The following ZNF507 variants were observed in gnomAD, a reference collection of about 807,000 sequenced individuals.
ZNF507 encodes zinc finger protein 507.
ZNF507 carries 29 observed loss-of-function variants against 80.0 expected under a neutral mutation model. That is an observed-to-expected ratio of 0.36 (90% CI 0.27 to 0.49). The LOEUF (loss-of-function observed/expected upper bound fraction) is 0.49, where lower values mean the gene tolerates loss of function less well. Among genes scored for constraint, ZNF507 ranks in the 20% least tolerant of loss-of-function variants. The probability of loss-of-function intolerance (pLI) is 0.98; values close to 1 mark genes in which losing one functional copy is unlikely to be tolerated. For synonymous variants in ZNF507, 462 were observed against 422.5 expected (o/e 1.09, Z -1.15); for missense variants, 1,081 against 1,152.2 (o/e 0.94, Z 0.90).
At chr19:32,361,767 C>CCTCT (rs1274503183) in intron 5 of ZNF507, among the ~76,000 whole-genome samples, 1 of 145,594 alleles carries the variant, frequency 6.9e-6, no homozygotes, top group Non-Finnish European at 1.5e-5. Context: ...TTCTTCCCTC[C>CCTCT]CTCCCTCTCT....
chr19:32,353,813 G>T lies in ZNF507; in HGVS notation c.983G>T (p.Ser328Ile). 6.2e-7 allele frequency: 1 copy of T among 1,614,186 alleles called. No individual in the cohort carries two copies. Among genetic ancestry groups the T allele is most frequent in the Non-Finnish European group, 8.5e-7 (1 of 1,180,036 alleles). ...NGPSVQVQICSSEQLSSSSPL... is the reference protein window; with the variant it reads ...NGPSVQVQICISEQLSSSSPL... ...CCATCAGTGCAAGTGCAGATTTGCA[G>T]CTCAGAACAGTTATCATCTTCATCT... Residue 328 changes from serine to isoleucine, a missense_variant, in exon 3 of 7, where the codon AGC becomes ATC. Transcript: ENST00000355898.
At chr19:32,356,901 T>C in intron 4 of ZNF507, 168 bp downstream of exon 4, 2 of 612,240 alleles carry the variant, frequency 3.3e-6, no homozygotes, top group South Asian at 1.9e-5. Flanking sequence ...TGCCAAGTAC[T>C]GAATGAAGCA....
At position 32,386,111 on chromosome 19, in the gene ZNF507, G is replaced by C. The variant is rs949623531; in HGVS notation, c.*3028G>C. On this transcript the variant is annotated 3_prime_UTR_variant, in exon 7 of 7. Transcript: ENST00000355898. ...ATGGCGGGTGTCCCAGTGTTCAACA[G>C]TATCATGCTAATATTCCATTTGATC... is the stretch of plus-strand genomic sequence containing the variant. 1 of 152,182 alleles carries C rather than the reference G, an allele frequency of 6.6e-6. No homozygotes were observed. The highest frequency in any genetic ancestry group is 1.5e-5 in the Non-Finnish European group (1 of 68,030). The allele number at this position is 152,182 out of a possible 1,614,324, so 9.4% of individuals were successfully genotyped here.
At position 32,354,625 on chromosome 19, in the gene ZNF507, G is replaced by A. The variant is rs1262659557; in HGVS notation, c.1795G>A (p.Asp599Asn). 1.9e-6 allele frequency: 3 copies of A among 1,614,064 alleles called. No individual in the cohort carries two copies. The highest frequency in any genetic ancestry group is 3.3e-5 in the Admixed American group (2 of 60,004). Residue 599 changes from aspartate (D) to asparagine (N), a missense_variant, in exon 3 of 7, where the codon GAC becomes AAC. Asp to Asn is a conservative substitution (Grantham distance 23, BLOSUM62 1). Around this residue, in one of 6 missense-constraint regions of ZNF507, gnomAD observed 614 missense variants for 583.9 expected, o/e 1.05. Coordinates refer to ENST00000355898, the MANE Select transcript of ZNF507 (RefSeq NM_001136156.2). ...TVIEKLRERT[D>N]QNASDDDILK... ...CATTGAAAAATTGAGAGAAAGGACA[G>A]ACCAAAACGCTTCAGACGATGACAT...
At chr19:32,373,382 C>T (rs2079563665) in intron 5 of ZNF507, among the ~76,000 whole-genome samples, 1 of 152,112 alleles carries the variant, frequency 6.6e-6, no homozygotes, top group South Asian at 2.1e-4. Context: ...CAGATCATAC[C>T]ACACTGTAAT....
At chr19:32,367,403 G>A (rs987766379) in intron 5 of ZNF507, among the ~76,000 whole-genome samples, 2 of 152,204 alleles carry the variant, frequency 1.3e-5, no homozygotes, top group East Asian at 3.8e-4. Flanking sequence ...CTGATTTGCA[G>A]GAGCTCTTCA....
rs1967214897 is a variant in ZNF507 at position 32,354,161 on chromosome 19, C to G, written c.1331C>G (p.Ala444Gly). 6.2e-7 allele frequency: 1 copy of G among 1,612,922 alleles called. No individual in the cohort carries two copies. Among genetic ancestry groups the G allele is most frequent in the African/African-American group, 1.3e-5 (1 of 74,880 alleles). Residue 444 changes from alanine to glycine, a missense_variant, in exon 3 of 7, where the codon GCT becomes GGT. Around this residue, in one of 6 missense-constraint regions of ZNF507, gnomAD observed 614 missense variants for 583.9 expected, o/e 1.05. Transcript: ENST00000355898. ...GREGMDDVYR[A>G]DKCTVDIGGL... Reference sequence around the variant, plus strand: ...GAAGGAATGGATGATGTTTATCGTGCTGATAAATGTACTGTTGATATTGGG... The same window carrying G: ...GAAGGAATGGATGATGTTTATCGTGGTGATAAATGTACTGTTGATATTGGG...
Position 32,353,149 on chromosome 19 carries a change from C to CA in ZNF507, c.322dup (p.Thr108AsnfsTer6). ...TGATACTAGAAGGGCTGAGATGTCA[C>CA]AAACAAATTTTACCCCTGACACTCT... is the stretch of plus-strand genomic sequence containing the variant. On this transcript the variant is annotated frameshift_variant, in exon 3 of 7. Transcript: ENST00000355898. LOFTEE classifies it high-confidence loss of function. 6.2e-7 allele frequency: 1 copy of CA among 1,614,218 alleles called. No individual in the cohort carries two copies. Among genetic ancestry groups the CA allele is most frequent in the South Asian group, 1.1e-5 (1 of 91,086 alleles).
intron 5 of ZNF507, among the ~76,000 whole-genome samples, chr19:32,372,703 G>T (rs1396916887): frequency 6.9e-6 from 1 of 145,402 alleles, no homozygotes; most frequent in African/African-American, 2.6e-5. Flanking sequence ...TCTTGGAAGA[G>T]CAGGAACTCA....
rs1366666898 is a variant in ZNF507 at position 32,385,508 on chromosome 19, G to A, written c.*2425G>A. 1 of 152,204 alleles carries A rather than the reference G, an allele frequency of 6.6e-6. No individual in the cohort carries two copies. Among genetic ancestry groups the A allele is most frequent in the Non-Finnish European group, 1.5e-5 (1 of 68,050 alleles). The allele number at this position is 152,204 out of a possible 1,614,324, so 9.4% of individuals were successfully genotyped here. The stretch of plus-strand genomic sequence containing the variant: ...AGATTATGCAATTCTAACTGTAGAA[G>A]AGATAGCTATTAAAATAATCAGTAG... On this transcript the variant is annotated 3_prime_UTR_variant, in exon 7 of 7. Coordinates refer to ENST00000355898, the MANE Select transcript of ZNF507 (RefSeq NM_001136156.2).
chr19:32,354,886 A>G lies in ZNF507; in HGVS notation c.2056A>G (p.Ser686Gly), dbSNP rs775743008. ...HIADNSKDLESHMIHHCKTRI... is the reference protein window; with the variant it reads ...HIADNSKDLEGHMIHHCKTRI... ...AGCGGACAACAGCAAAGATTTGGAG[A>G]GTCACATGATCCACCACTGTAAGAC... The change falls in exon 3 of 7, where the codon AGT becomes GGT. Residue 686 changes from serine to glycine, a missense_variant. By Grantham distance (56) the Ser-to-Gly change is moderately conservative. Coordinates refer to ENST00000355898, the MANE Select transcript of ZNF507 (RefSeq NM_001136156.2). 3 of 1,614,156 alleles carry G rather than the reference A, an allele frequency of 1.9e-6. No homozygotes were observed. Among genetic ancestry groups the G allele is most frequent in the Non-Finnish European group, 2.5e-6 (3 of 1,180,014 alleles).
intron 1 of ZNF507, among the ~76,000 whole-genome samples, 175 bp downstream of exon 1, chr19:32,345,958 C>T (rs1390401190): frequency 1.3e-5 from 2 of 152,214 alleles, no homozygotes; most frequent in African/African-American, 4.8e-5. Flanking sequence ...TGCAGCAAGG[C>T]CTGCGGAGAC....
At chr19:32,350,762 G>A (rs1346494881) in intron 2 of ZNF507, among the ~76,000 whole-genome samples, 1 of 152,210 alleles carries the variant, frequency 6.6e-6, no homozygotes, top group Non-Finnish European at 1.5e-5. Flanking sequence ...ATCTACAGCA[G>A]AGAGCCGTAT....
At chr19:32,362,987 C>T (rs557130100) in intron 5 of ZNF507, among the ~76,000 whole-genome samples, 2 of 152,334 alleles carry the variant, frequency 1.3e-5, no homozygotes, top group African/African-American at 4.8e-5. Flanking sequence ...GATTTCTGGT[C>T]GCAGAGCATT....
chr19:32,345,639 G>A lies in ZNF507; in HGVS notation c.-241G>A, dbSNP rs943310228. The A allele has an allele frequency of 1.3e-5, 2 of 152,596 alleles. No individual in the cohort carries two copies. The highest frequency in any genetic ancestry group is 2.4e-5 in the African/African-American group (1 of 41,458). 9.5% of individuals were successfully genotyped at this position (152,596 alleles called of 1,614,324 possible). On this transcript the variant is annotated 5_prime_UTR_variant, in exon 1 of 7. Transcript: ENST00000355898. ...GATCCGTCCCCAGCGCCGCCATTTT[G>A]GAGCTCCGGATGAGGAGGGGGAAAC... is the stretch of plus-strand genomic sequence containing the variant.
rs144062945 is a variant in ZNF507 at position 32,353,668 on chromosome 19, A to G, written c.838A>G (p.Ile280Val). 2.5e-5 allele frequency: 40 copies of G among 1,614,088 alleles called. No individual in the cohort carries two copies. The highest frequency in any genetic ancestry group is 1.3e-4 in the South Asian group (12 of 91,086). The stretch of plus-strand genomic sequence containing the variant: ...TGGGGAGGTTGATTGCTCCTATCCA[A>G]TCTTTGAAAATGAAAATGAACCCCT... ...HAGEVDCSYP[I>V]FENENEPLGL... Residue 280 changes from isoleucine to valine, a missense_variant, in exon 3 of 7, where the codon ATC (isoleucine) becomes GTC (valine). Around this residue, in one of 6 missense-constraint regions of ZNF507, gnomAD observed 614 missense variants for 583.9 expected, o/e 1.05. Coordinates refer to ENST00000355898, the MANE Select transcript of ZNF507 (RefSeq NM_001136156.2).
At chr19:32,381,866 T>C (rs762460893) in intron 5 of ZNF507, among the ~76,000 whole-genome samples, 40 of 152,330 alleles carry the variant, frequency 2.6e-4, no homozygotes, top group Non-Finnish European at 4.7e-4. Flanking sequence ...TCTATTAATT[T>C]TTCTAAAAAT....
At chr19:32,382,275 T>C (rs1967633181) in intron 5 of ZNF507, 192 bp from the exon 6 acceptor site, 1 of 562,670 alleles carries the variant, frequency 1.8e-6, no homozygotes, top group Non-Finnish European at 3.0e-6. Context: ...TCATTGATTC[T>C]AGGACTTCCA....
chr19:32,349,092 A>C (rs1441098429), intron 2 of ZNF507, among the ~76,000 whole-genome samples: 1 of 152,234 alleles, frequency 6.6e-6, no homozygotes, highest in African/African-American at 2.4e-5. Context: ...AATCAGAAGA[A>C]GGGTCTTGGA....
Sources: gnomAD v4.1 joint callset for allele counts (sites outside exome capture counted in the v4.1 genomes callset) on GRCh38, gnomAD v4.1.1 for gene constraint, gnomAD v4.1.1 regional missense constraint, MANE v1.5 for transcripts, NCBI Gene and HGNC (gene_info 2026-07-23, HGNC 2026-07-21) for gene names.